Variants in SLAIN2 observed in about 807,000 individuals in gnomAD.
SLAIN2 encodes SLAIN family member 2, also known as SLAIN motif-containing protein 2.
Under a neutral mutation model 56.6 loss-of-function variants are expected in SLAIN2, and 31 were observed. The observed-to-expected ratio is 0.55, with a 90% CI of 0.41 to 0.74. SLAIN2 has a LOEUF of 0.74. Among genes scored for constraint, SLAIN2 ranks in the 30% least tolerant of loss-of-function variants. The pLI is 0.00. For synonymous variants in SLAIN2, 317 were observed against 284.9 expected (o/e 1.11, Z -1.13); for missense variants, 777 against 754.2 (o/e 1.03, Z -0.35).
Position 48,342,137 on chromosome 4 carries a change from G to T in SLAIN2, c.389+9G>T, listed in dbSNP as rs28464394. 404,755 of 1,340,736 alleles carry T rather than the reference G, an allele frequency of 0.3. 62,282 individuals carry two copies. Among genetic ancestry groups the T allele is most frequent in the South Asian group, 0.46 (24,043 of 52,178 alleles). The allele number at this position is 1,340,736 out of a possible 1,614,324, so 83.1% of individuals were successfully genotyped here. A position where few individuals can be genotyped will look rare whatever the true frequency, so the allele number is the denominator to read the frequency against. On this transcript the variant is annotated intron_variant, in intron 1 of 7. Transcript: ENST00000264313. ...GAGGAGGAGGAGAGCTGGTGAGCGC[G>T]AGGCGCCGGGCAGGAGCTGGGCGGG...
chr4:48,341,735 C>A lies in SLAIN2; in HGVS notation c.-5C>A. 6.5e-7 allele frequency: 1 copy of A among 1,528,682 alleles called. No individual in the cohort carries two copies. Among genetic ancestry groups the A allele is most frequent in the East Asian group, 2.6e-5 (1 of 38,196 alleles). The allele number at this position is 1,528,682 out of a possible 1,614,324, so 94.7% of individuals were successfully genotyped here. ...GGCGGAGGCGGCGGCGGCGGCGGGGCCGGGATGGAGGACGTTAACTCCAAC... is the reference window on the plus strand; with the variant it reads ...GGCGGAGGCGGCGGCGGCGGCGGGGACGGGATGGAGGACGTTAACTCCAAC... On this transcript the variant is annotated 5_prime_UTR_variant, in exon 1 of 8. Coordinates refer to ENST00000264313, the MANE Select transcript of SLAIN2 (RefSeq NM_020846.2).
At chr4:48,393,954 A>T (rs1257418070) in intron 6 of SLAIN2, among the ~76,000 whole-genome samples, 1 of 152,162 alleles carries the variant, frequency 6.6e-6, no homozygotes, top group Non-Finnish European at 1.5e-5. Context: ...CCCTCAACCC[A>T]CACCAGCATT....
intron 6 of SLAIN2, among the ~76,000 whole-genome samples, chr4:48,394,899 C>A (rs1379199011): frequency 6.6e-6 from 1 of 151,984 alleles, no homozygotes; most frequent in Non-Finnish European, 1.5e-5. Context: ...TTTTTCTTAC[C>A]CACTTAAAAT....
chr4:48,397,725 GT>G (rs1716439044), intron 6 of SLAIN2, among the ~76,000 whole-genome samples: 1 of 152,126 alleles, frequency 6.6e-6, no homozygotes, highest in Non-Finnish European at 1.5e-5. Context: ...TGCTCTTACT[GT>G]TCAGCTCTAA....
chr4:48,369,074 C>T (rs1461649923), intron 1 of SLAIN2, among the ~76,000 whole-genome samples: 1 of 152,224 alleles, frequency 6.6e-6, no homozygotes, highest in East Asian at 1.9e-4. Flanking sequence ...TCATAAATTC[C>T]ATTTAAAGTG....
intron 6 of SLAIN2, among the ~76,000 whole-genome samples, chr4:48,410,857 G>A (rs747065386): frequency 1.5e-4 from 23 of 152,158 alleles, no homozygotes; most frequent in Non-Finnish European, 1.5e-4. Context: ...TTCATTCGGG[G>A]CTTAGTGGTC....
chr4:48,375,014 A>T (rs1258704933), intron 2 of SLAIN2, among the ~76,000 whole-genome samples: 1 of 152,176 alleles, frequency 6.6e-6, no homozygotes, highest in East Asian at 1.9e-4. Context: ...TGAAGCTCAG[A>T]GGAAAACTTA....
chr4:48,419,691 G>A (rs1381955706), intron 6 of SLAIN2, among the ~76,000 whole-genome samples: 1 of 152,172 alleles, frequency 6.6e-6, no homozygotes, highest in East Asian at 1.9e-4. Context: ...TGGACATAGA[G>A]CCTCCAGATA....
At chr4:48,409,757 G>T (rs949908930) in intron 6 of SLAIN2, among the ~76,000 whole-genome samples, 2 of 152,068 alleles carry the variant, frequency 1.3e-5, no homozygotes, top group African/African-American at 2.4e-5. Context: ...GGTGGTGGGC[G>T]CCTGTAACCT....
rs565584243 is a variant in SLAIN2 at position 48,353,931 on chromosome 4, A to G, written c.389+11803A>G. ...ATATGTTAATTGAATATGTAGAGAG[A>G]AAACAGTCGACATTGGCTCAAAAAT... is the stretch of plus-strand genomic sequence containing the variant. On this transcript the variant is annotated intron_variant, in intron 1 of 7. Coordinates refer to ENST00000264313, the MANE Select transcript of SLAIN2 (RefSeq NM_020846.2). Among the ~76,000 whole-genome samples the G allele has an allele frequency of 2.0e-5, 3 of 152,324 alleles. No individual in the cohort carries two copies. The South Asian group carries it at 6.2e-4, about 32-fold the overall frequency.
chr4:48,389,528 G>A (rs1215654377), intron 6 of SLAIN2, among the ~76,000 whole-genome samples: 3 of 152,208 alleles, frequency 2.0e-5, no homozygotes, highest in Non-Finnish European at 4.4e-5. Flanking sequence ...CAGTAGCAGG[G>A]AGAGTTAGAC....
intron 6 of SLAIN2, among the ~76,000 whole-genome samples, chr4:48,419,445 G>A (rs767618653): frequency 9.2e-5 from 14 of 152,106 alleles, no homozygotes; most frequent in Non-Finnish European, 1.8e-4. Context: ...CTGTCACCCA[G>A]GCCGGAGTGC....
At chr4:48,395,333 C>G (rs1007585848) in intron 6 of SLAIN2, among the ~76,000 whole-genome samples, 3 of 151,986 alleles carry the variant, frequency 2.0e-5, no homozygotes, top group Non-Finnish European at 4.4e-5. Context: ...TTTTTCCTAT[C>G]CAGAACATGT....
At position 48,394,736 on chromosome 4, in the gene SLAIN2, G is replaced by T. The variant is rs113335365; in HGVS notation, c.1360+10952G>T. 1,517 of 1,015,568 alleles carry T rather than the reference G, an allele frequency of 1.5e-3. 19 individuals carry two copies. In the African/African-American group the frequency reaches 0.022, roughly 15 times the overall value. 62.9% of individuals were successfully genotyped at this position (1,015,568 alleles called of 1,614,324 possible). ...AGCCATTTGGCATACTGAGTCAGTG[G>T]TGTCTGTAAGGCACATTTTAGTCTT... is the stretch of plus-strand genomic sequence containing the variant. On this transcript the variant is annotated intron_variant, in intron 6 of 7. Transcript: ENST00000264313.
intron 6 of SLAIN2, among the ~76,000 whole-genome samples, chr4:48,406,302 A>AT (rs1382896050): frequency 3.9e-5 from 6 of 152,012 alleles, no homozygotes; most frequent in African/African-American, 9.7e-5. Flanking sequence ...GTGTTTGTAT[A>AT]TTTTTTTAAT....
intron 1 of SLAIN2, among the ~76,000 whole-genome samples, chr4:48,345,609 C>T (rs1714843940): frequency 6.6e-6 from 1 of 151,920 alleles, no homozygotes; most frequent in African/African-American, 2.4e-5. Context: ...AGATGTTAAA[C>T]TGTGTCTTCC....
At chr4:48,375,814 A>G (rs1159467098) in intron 2 of SLAIN2, among the ~76,000 whole-genome samples, 1 of 152,150 alleles carries the variant, frequency 6.6e-6, no homozygotes, top group Non-Finnish European at 1.5e-5. Context: ...TTTCCGAGAC[A>G]CTGCTTTTGT....
chr4:48,383,002 G>GA lies in SLAIN2; in HGVS notation c.1222+82dup, dbSNP rs559817261. ...TAACATAGCAAGACCCCGTCTCTAGGAAAAAAATTTTCAAAATTAGCTGGG... is the reference window on the plus strand; with the variant it reads ...TAACATAGCAAGACCCCGTCTCTAGGAAAAAAAATTTTCAAAATTAGCTGGG... On this transcript the variant is annotated intron_variant, in intron 5 of 7. Transcript: ENST00000264313. 156 of 1,441,838 alleles carry GA rather than the reference G, an allele frequency of 1.1e-4. No homozygotes were observed. The African/African-American group carries it at 1.9e-3, about 17-fold the overall frequency. 89.3% of individuals were successfully genotyped at this position (1,441,838 alleles called of 1,614,324 possible). A position where few individuals can be genotyped will look rare whatever the true frequency, so the allele number is the denominator to read the frequency against.
chr4:48,397,676 C>G (rs549770251), intron 6 of SLAIN2, among the ~76,000 whole-genome samples: 1 of 152,248 alleles, frequency 6.6e-6, no homozygotes, highest in East Asian at 1.9e-4. Context: ...CCGCCCCTGA[C>G]AGCCGCCAGT....
Sources: gnomAD v4.1 joint callset for allele counts (sites outside exome capture counted in the v4.1 genomes callset) on GRCh38, gnomAD v4.1.1 for gene constraint, MANE v1.5 for transcripts, NCBI Gene and HGNC (gene_info 2026-07-23, HGNC 2026-07-21) for gene names.